The following RBFOX1 variants were observed in gnomAD, a reference collection of about 807,000 sequenced individuals.
The protein encoded by RBFOX1 is RNA binding protein fox-1 homolog 1.
In RBFOX1, 8 loss-of-function variants were observed where a neutral mutation model predicts 57.7. The observed-to-expected ratio is 0.14, with a 90% confidence interval of 0.08 to 0.25. The LOEUF is 0.25. Among genes scored for constraint, RBFOX1 ranks in the 10% least tolerant of loss-of-function variants. RBFOX1 has a pLI of 1.00. For synonymous variants in RBFOX1, 326 were observed against 222.4 expected (o/e 1.47, Z -4.15); for missense variants, 611 against 548.5 (o/e 1.11, Z -1.14).
At chr16:5,284,193 G>T (rs1423834507) in intron 1 of RBFOX1, among the ~76,000 whole-genome samples, 1 of 152,170 alleles carries the variant, frequency 6.6e-6, no homozygotes, top group East Asian at 1.9e-4. Flanking sequence ...GGCTTCCCCA[G>T]CTACGTGGAA....
At chr16:6,121,672 G>C (rs1268771966) in intron 1 of RBFOX1, among the ~76,000 whole-genome samples, 2 of 152,146 alleles carry the variant, frequency 1.3e-5, no homozygotes, top group East Asian at 3.9e-4. Context: ...GTAGCATGGT[G>C]GTTAACAGGT....
intron 1 of RBFOX1, among the ~76,000 whole-genome samples, chr16:5,244,994 T>A (rs2062260958): frequency 1.3e-5 from 2 of 152,228 alleles, no homozygotes; most frequent in Non-Finnish European, 2.9e-5. Flanking sequence ...TTGATATGTG[T>A]TTCTCAGTTG....
At chr16:7,658,548 A>G (rs2066896793) in intron 12 of RBFOX1, among the ~76,000 whole-genome samples, 1 of 152,158 alleles carries the variant, frequency 6.6e-6, no homozygotes, top group Non-Finnish European at 1.5e-5. Context: ...CAAGCTGATT[A>G]TCTGTGCATC....
chr16:5,875,522 A>T (rs917007681), intron 4 of RBFOX1, among the ~76,000 whole-genome samples: 3 of 152,244 alleles, frequency 2.0e-5, no homozygotes, highest in Non-Finnish European at 2.9e-5. Context: ...ACTGTAGCTT[A>T]CAGAAGGCAA....
At chr16:6,702,680 A>G (rs2062040702) in intron 3 of RBFOX1, among the ~76,000 whole-genome samples, 1 of 152,266 alleles carries the variant, frequency 6.6e-6, no homozygotes, top group Non-Finnish European at 1.5e-5. Flanking sequence ...TAATTGCTCA[A>G]TAAAATCCTG....
rs568207066 is a variant in RBFOX1 at position 5,641,597 on chromosome 16, G to A, written c.318+42636G>A. Among the ~76,000 whole-genome samples, 10 of 152,284 alleles carry A rather than the reference G, an allele frequency of 6.6e-5. 2 individuals are homozygous for A. In the Middle Eastern group the frequency reaches 0.024, roughly 363 times the overall value. On this transcript the variant is annotated intron_variant, in intron 3 of 19. Transcript: ENST00000641259. ...CATTTATTGCAAGTGTGATATGAATGGCACCCCTTTTGGGTGTGCCATGCA... is the reference window on the plus strand; with the variant it reads ...CATTTATTGCAAGTGTGATATGAATAGCACCCCTTTTGGGTGTGCCATGCA...
chr16:5,412,294 G>C (rs1272946443), intron 1 of RBFOX1, among the ~76,000 whole-genome samples: 1 of 152,216 alleles, frequency 6.6e-6, no homozygotes, highest in African/African-American at 2.4e-5. Flanking sequence ...TTATGGTTGA[G>C]AGCAGGTGAA....
intron 3 of RBFOX1, among the ~76,000 whole-genome samples, chr16:6,965,858 A>G (rs1343928563): frequency 6.7e-6 from 1 of 149,918 alleles, no homozygotes; most frequent in African/African-American, 2.5e-5. Flanking sequence ...GGGATAAGGA[A>G]ACTGAGGCAT....
rs2058626040 is a variant in RBFOX1 at position 6,681,364 on chromosome 16, T to C, written c.-16+26714T>C. On this transcript the variant is annotated intron_variant, in intron 3 of 15. Coordinates refer to ENST00000550418, the MANE Select transcript of RBFOX1 (RefSeq NM_018723.4). ...TTTTGATCGCATCTTGGTTAAGTCT[T>C]TGCTACCTTGGTTAAAAAGTTTGGT... Among the ~76,000 whole-genome samples the C allele has an allele frequency of 1.3e-5, 2 of 152,182 alleles. 1 individual carries two copies. Among genetic ancestry groups the C allele is most frequent in the Admixed American group, 1.3e-4 (2 of 15,276 alleles).
At chr16:5,386,575 C>T (rs1042350655) in intron 1 of RBFOX1, among the ~76,000 whole-genome samples, 1 of 152,130 alleles carries the variant, frequency 6.6e-6, no homozygotes, top group Non-Finnish European at 1.5e-5. Context: ...TCACTGCAGC[C>T]CCACTCTCTC....
intron 2 of RBFOX1, among the ~76,000 whole-genome samples, chr16:6,576,170 C>G (rs1447624964): frequency 6.6e-6 from 1 of 152,108 alleles, no homozygotes; most frequent in Non-Finnish European, 1.5e-5. Context: ...TTCATTCTTT[C>G]ATTTTGCAAC....
At chr16:6,213,045 G>C (rs1047489948) in intron 1 of RBFOX1, among the ~76,000 whole-genome samples, 3 of 152,110 alleles carry the variant, frequency 2.0e-5, no homozygotes, top group Non-Finnish European at 2.9e-5. Flanking sequence ...TAACCTTGTA[G>C]GCTTTTAAAA....
chr16:5,736,969 T>G (rs2052599755), intron 3 of RBFOX1, among the ~76,000 whole-genome samples: 1 of 147,796 alleles, frequency 6.8e-6, no homozygotes, highest in African/African-American at 2.5e-5. Flanking sequence ...CCCTCTCACT[T>G]TATTCCTATC....
At chr16:6,775,169 CA>C (rs74584596) in intron 3 of RBFOX1, among the ~76,000 whole-genome samples, 6,032 of 84,030 alleles carry the variant, frequency 0.072, 249 homozygotes, top group African/African-American at 0.14. Context: ...ACTAAAAGTA[CA>C]AAAAAAAAAA....
At chr16:7,279,328 T>C (rs1479690307) in intron 4 of RBFOX1, among the ~76,000 whole-genome samples, 1 of 152,194 alleles carries the variant, frequency 6.6e-6, no homozygotes, top group Non-Finnish European at 1.5e-5. Context: ...AGAAATGTCT[T>C]GTTTTCAGTT....
intron 3 of RBFOX1, among the ~76,000 whole-genome samples, chr16:6,963,804 T>C (rs1321455154): frequency 6.6e-6 from 1 of 151,742 alleles, no homozygotes; most frequent in Admixed American, 6.6e-5. Flanking sequence ...GTTCATGCCA[T>C]TCTCCTGCCT....
At chr16:5,814,213 C>T (rs1196990035) in intron 3 of RBFOX1, among the ~76,000 whole-genome samples, 1 of 152,182 alleles carries the variant, frequency 6.6e-6, no homozygotes, top group Non-Finnish European at 1.5e-5. Context: ...GTATGCCCTC[C>T]TTTCCCAGCC....
At chr16:7,093,602 C>G (rs1381875563) in intron 4 of RBFOX1, among the ~76,000 whole-genome samples, 1 of 152,154 alleles carries the variant, frequency 6.6e-6, no homozygotes, top group Non-Finnish European at 1.5e-5. Flanking sequence ...TAGAGGGAAA[C>G]TGGATGGATC....
chr16:5,886,227 T>C (rs2057896152), intron 4 of RBFOX1, among the ~76,000 whole-genome samples: 1 of 152,156 alleles, frequency 6.6e-6, no homozygotes, highest in Non-Finnish European at 1.5e-5. Context: ...AGAGCAAAAA[T>C]TGACTAATAC....
Sources: gnomAD v4.1 joint callset for allele counts (sites outside exome capture counted in the v4.1 genomes callset) on GRCh38, gnomAD v4.1.1 for gene constraint, MANE v1.5 for transcripts, NCBI Gene and HGNC (gene_info 2026-07-23, HGNC 2026-07-21) for gene names.